The following HNRNPUL1 variants were observed in gnomAD, a reference collection of about 807,000 sequenced individuals.
HNRNPUL1 encodes heterogeneous nuclear ribonucleoprotein U like 1, also known as heterogeneous nuclear ribonucleoprotein U-like protein 1.
In HNRNPUL1, 14 loss-of-function variants were observed where a neutral mutation model predicts 108.5. That is an observed-to-expected ratio of 0.13 (90% CI 0.09 to 0.20). The LOEUF (loss-of-function observed/expected upper bound fraction) is 0.20. Ranked by LOEUF, HNRNPUL1 falls within the 10% of genes least tolerant of loss-of-function variation. The probability of loss-of-function intolerance (pLI) is 1.00; values close to 1 mark genes in which losing one functional copy is unlikely to be tolerated. For missense variants in HNRNPUL1, 804 were observed against 1,168.3 expected (o/e 0.69, Z 4.55); for synonymous variants, 422 against 445.2 (o/e 0.95, Z 0.66).
intron 11 of HNRNPUL1, 121 bp from the exon 12 acceptor site, chr19:41,302,544 T>G: frequency 1.6e-6 from 2 of 1,247,958 alleles, no homozygotes; most frequent in Middle Eastern, 1.9e-4. Context: ...TCTTATTCAC[T>G]ATTCCAGTTT....
In HNRNPUL1 at chr19:41,304,084, G is replaced by C. The variant is rs911425888; in HGVS notation, c.2085G>C (p.Gln695His). The C allele has an allele frequency of 5.0e-6, 8 of 1,613,032 alleles. No homozygotes were observed. The African/African-American group carries it at 1.1e-4, about 22-fold the overall frequency. ...RGSYNRAPQQQPPPQQPPPPQ... is the reference protein window; with the variant it reads ...RGSYNRAPQQHPPPQQPPPPQ... ...GCTACAACCGGGCTCCCCAGCAACA[G>C]CCGCCACCACAGCAGCCTCCGCCAC... The change falls in exon 13 of 15, where the codon CAG becomes CAC. Residue 695 changes from glutamine (Q) to histidine (H), a missense_variant. Physicochemically the swap from Gln to His is conservative, Grantham distance 24. Transcript: ENST00000392006.
At position 41,281,147 on chromosome 19, in the gene HNRNPUL1, C is replaced by T; in HGVS notation, c.887-16C>T. 5.1e-6 allele frequency: 8 copies of T among 1,582,996 alleles called. No individual in the cohort carries two copies. Among genetic ancestry groups the T allele is most frequent in the Non-Finnish European group, 6.1e-6 (7 of 1,151,700 alleles). ...CATCGCAGGTTTAACCTGCCTTTGC[C>T]TATTTCTTCCGTCAGGCGAAGAGCC... On this transcript the variant is annotated splice_polypyrimidine_tract_variant and intron_variant, in intron 6 of 14. Transcript: ENST00000392006.
intron 2 of HNRNPUL1, among the ~76,000 whole-genome samples, chr19:41,268,847 A>C (rs567876938): frequency 5.3e-5 from 8 of 151,920 alleles, no homozygotes; most frequent in Non-Finnish European, 1.0e-4. Context: ...GGGCAACAAG[A>C]GTGAAACTGC....
intron 11 of HNRNPUL1, chr19:41,302,366 C>A (rs1397602761): frequency 2.5e-6 from 1 of 400,164 alleles, no homozygotes; most frequent in African/African-American, 2.1e-5. Context: ...CTACAGGTGT[C>A]CACCACCATG....
At chr19:41,264,902 G>A (rs779772687) in intron 1 of HNRNPUL1, 104 bp downstream of exon 1, 435 of 1,342,800 alleles carry the variant, frequency 3.2e-4, no homozygotes, top group Non-Finnish European at 3.9e-4. Context: ...ACGACCTGAG[G>A]ATCGGGGGAT....
intron 5 of HNRNPUL1, 121 bp from the exon 6 acceptor site, chr19:41,278,955 TC>T: frequency 1.3e-6 from 1 of 747,704 alleles, no homozygotes; most frequent in Non-Finnish European, 2.3e-6. Context: ...CTTAAACGCT[TC>T]TTCTCCAGCA....
At chr19:41,272,490 C>T (rs1490593716) in intron 3 of HNRNPUL1, 1 of 393,638 alleles carries the variant, frequency 2.5e-6, no homozygotes, top group African/African-American at 2.0e-5. Context: ...AGATGCCAGC[C>T]TGCCTGTTCT....
Position 41,305,738 on chromosome 19 carries a change from G to C in HNRNPUL1, c.2325G>C (p.Pro775=). 6.2e-7 allele frequency: 1 copy of C among 1,613,884 alleles called. No individual in the cohort carries two copies. The highest frequency in any genetic ancestry group is 8.5e-7 in the Non-Finnish European group (1 of 1,179,954). Residue 775 remains proline (P), a synonymous_variant, in exon 14 of 15, where the codon CCG becomes CCC. Coordinates refer to ENST00000392006, the MANE Select transcript of HNRNPUL1 (RefSeq NM_007040.6). Reference sequence around the variant, plus strand: ...ACAGCCAGGGCTACACAGCCCCACCGCCTCCACCTCCACCACCACCTGCCT... The same window carrying C: ...ACAGCCAGGGCTACACAGCCCCACCCCCTCCACCTCCACCACCACCTGCCT... ...GGYSQGYTAP[P]PPPPPPPAYN...
At chr19:41,282,692 C>CTTTTT (rs57909999) in intron 7 of HNRNPUL1, among the ~76,000 whole-genome samples, 1 of 141,448 alleles carries the variant, frequency 7.1e-6, no homozygotes, top group African/African-American at 2.6e-5. Flanking sequence ...TTCTTTTTTT[C>CTTTTT]TTTTTTTTTT....
At chr19:41,282,996 T>G (rs1015761841) in intron 7 of HNRNPUL1, among the ~76,000 whole-genome samples, 2 of 152,174 alleles carry the variant, frequency 1.3e-5, no homozygotes, top group African/African-American at 2.4e-5. Context: ...GCCCGGCCAT[T>G]TTTTTCAATA....
At chr19:41,301,817 T>G in intron 11 of HNRNPUL1, 113 bp downstream of exon 11, 8 of 965,914 alleles carry the variant, frequency 8.3e-6, no homozygotes, top group Non-Finnish European at 1.2e-5. Flanking sequence ...TTGATCTTAC[T>G]CTTTCTTTGC....
rs2036673190 is a variant in HNRNPUL1, at chr19:41,292,914, G to A, written c.1266+403G>A. ...GGCTGGAGTGCAGTGGTGCGATCAC[G>A]GCTTACTGCAGCCTTGACCTTCCAG... On this transcript the variant is annotated intron_variant, in intron 8 of 14. Coordinates refer to ENST00000392006, the MANE Select transcript of HNRNPUL1 (RefSeq NM_007040.6). This position sits in a 1 kb window ranked among gnomAD's most constrained non-coding sequence, Gnocchi z 4.1. Among the ~76,000 whole-genome samples, 1 of 151,866 alleles carries A rather than the reference G, an allele frequency of 6.6e-6. No homozygotes were observed. The highest frequency in any genetic ancestry group is 1.5e-5 in the Non-Finnish European group (1 of 67,976).
chr19:41,303,020 C>A, intron 12 of HNRNPUL1, 71 bp downstream of exon 12: 1 of 1,451,560 alleles, frequency 6.9e-7, no homozygotes, highest in South Asian at 1.5e-5. Context: ...ACTGCTTATT[C>A]AATCAGCAAC....
rs534626336 is a variant in HNRNPUL1 at position 41,277,114 on chromosome 19, A to G, written c.786+816A>G. On this transcript the variant is annotated intron_variant, in intron 5 of 14. Transcript: ENST00000392006. ...TCTGTCTCAAAAAAAAAAAACAAAA[A>G]AACAAAAACAAAAAAAACAAAACAG... Among the ~76,000 whole-genome samples, 5 of 151,516 alleles carry G rather than the reference A, an allele frequency of 3.3e-5. No homozygotes were observed. In the East Asian group the frequency reaches 9.7e-4, roughly 29 times the overall value.
At chr19:41,270,075 C>T (rs565272482) in intron 2 of HNRNPUL1, among the ~76,000 whole-genome samples, 120 of 152,206 alleles carry the variant, frequency 7.9e-4, no homozygotes, top group African/African-American at 2.7e-3. Context: ...CTCCGCCTCT[C>T]GGGTTCAAGC....
At position 41,294,512 on chromosome 19, in the gene HNRNPUL1, G is replaced by T; in HGVS notation, c.1390-46G>T. 1 of 1,613,792 alleles carries T rather than the reference G, an allele frequency of 6.2e-7. No homozygotes were observed. Among genetic ancestry groups the T allele is most frequent in the Non-Finnish European group, 8.5e-7 (1 of 1,179,716 alleles). ...ACTCACCTCCAACCTACTGAGTGCTGCCCTGCAACTAAAATCACTCACCCC... is the reference window on the plus strand; with the variant it reads ...ACTCACCTCCAACCTACTGAGTGCTTCCCTGCAACTAAAATCACTCACCCC... On this transcript the variant is annotated intron_variant, in intron 9 of 14. Transcript: ENST00000392006. The surrounding 1 kb of genome is among the most constrained non-coding windows in gnomAD (Gnocchi z 4.3).
intron 10 of HNRNPUL1, among the ~76,000 whole-genome samples, chr19:41,296,891 C>T (rs1390357046): frequency 6.6e-6 from 1 of 152,190 alleles, no homozygotes; most frequent in Non-Finnish European, 1.5e-5. Flanking sequence ...GCTCTTCCAG[C>T]CTCCTGTTAT....
chr19:41,302,651 T>A lies in HNRNPUL1; in HGVS notation c.1688-14T>A. On this transcript the variant is annotated splice_polypyrimidine_tract_variant and intron_variant, in intron 11 of 14. Coordinates refer to ENST00000392006, the MANE Select transcript of HNRNPUL1 (RefSeq NM_007040.6). ...CTTCTTCTTGTTCTCTTTGGGGCAC[T>A]TCCTTCCTCCTAGCCAACTTCACGT... 2 of 1,614,178 alleles carry A rather than the reference T, an allele frequency of 1.2e-6. No homozygotes were observed. Among genetic ancestry groups the A allele is most frequent in the East Asian group, 4.5e-5 (2 of 44,888 alleles).
intron 1 of HNRNPUL1, 123 bp downstream of exon 1, chr19:41,264,921 C>G: frequency 7.5e-7 from 1 of 1,338,364 alleles, no homozygotes; most frequent in South Asian, 2.0e-5. Flanking sequence ...ATCCCGCTAC[C>G]CGCCGCCGAA....
Sources: allele counts gnomAD v4.1 joint callset (sites outside exome capture counted in the v4.1 genomes callset), GRCh38; gene constraint gnomAD v4.1.1; non-coding constraint Gnocchi (gnomAD v3.1); transcripts MANE v1.5; gene names NCBI Gene and HGNC (gene_info 2026-07-23, HGNC 2026-07-21).